Variants in GLIS3 observed in about 807,000 individuals in gnomAD.
GLIS3 encodes the protein zinc finger protein GLIS3.
A neutral mutation model predicts 78.6 loss-of-function variants in GLIS3; 53 were observed. The observed-to-expected ratio is 0.67, with a 90% confidence interval of 0.54 to 0.85. The LOEUF (loss-of-function observed/expected upper bound fraction) is 0.85, where lower values mean the gene tolerates loss of function less well. Ranked by LOEUF, GLIS3 falls within the 40% of genes least tolerant of loss-of-function variation. GLIS3 has a pLI of 0.00. For missense variants in GLIS3, 1,703 were observed against 1,231.1 expected, an observed-to-expected ratio of 1.38 and a Z score of -5.74; for synonymous variants, 684 against 509.9, an observed-to-expected ratio of 1.34 and a Z score of -4.60.
At chr9:4,397,029 T>TC in the GLIS3 span, among the ~76,000 whole-genome samples, 182 of 143,256 alleles carry the variant, frequency 1.3e-3, 1 homozygote, top group African/African-American at 3.3e-3. Context: ...TTTTTCTTTT[T>TC]TTTTTTTTTT....
chr9:4,363,374 G>C, the GLIS3 span, among the ~76,000 whole-genome samples: 48 of 152,308 alleles, frequency 3.2e-4, no homozygotes, highest in South Asian at 6.2e-4. Flanking sequence ...AGTGAGCTGA[G>C]ATGGCACCAC....
chr9:4,240,093 C>T (rs768671454), intron 2 of GLIS3, among the ~76,000 whole-genome samples: 1 of 150,816 alleles, frequency 6.6e-6, no homozygotes, highest in Non-Finnish European at 1.5e-5. Context: ...CATATTTTAT[C>T]CTTCTTACAA....
the GLIS3 span, among the ~76,000 whole-genome samples, chr9:4,395,505 TGAA>T: frequency 2.8e-4 from 42 of 152,164 alleles, no homozygotes; most frequent in African/African-American, 9.7e-4. Flanking sequence ...ATGCTCTAGC[TGAA>T]GAAGAAGAAT....
rs867973503 is a variant in GLIS3 at position 4,133,872 on chromosome 9, A to C, written c.389-7931T>G. ...CACACACACACACACACACACACAC[A>C]CACCGTACATCTGTCCTCGCCTGAA... is the stretch of plus-strand genomic sequence containing the variant. On this transcript the variant is annotated intron_variant, in intron 2 of 10. Coordinates refer to ENST00000381971, the MANE Select transcript of GLIS3 (RefSeq NM_001042413.2). Among the ~76,000 whole-genome samples the C allele has an allele frequency of 2.3e-3, 241 of 104,674 alleles. 1 individual carries two copies. The highest frequency in any genetic ancestry group is 0.01 in the South Asian group (33 of 3,180). The allele number at this position is 104,674 out of a possible 152,430, so 68.7% of individuals were successfully genotyped here. A position where few individuals can be genotyped will look rare whatever the true frequency, so the allele number is the denominator to read the frequency against.
intron 9 of GLIS3, chr9:3,855,773 C>G: frequency 1.9e-6 from 1 of 515,898 alleles, no homozygotes; most frequent in Non-Finnish European, 3.5e-6. Flanking sequence ...AATGAAAAAA[C>G]CAGCAACTTG....
At chr9:4,472,587 T>C in the GLIS3 span, among the ~76,000 whole-genome samples, 5 of 126,970 alleles carry the variant, frequency 3.9e-5, no homozygotes, top group Admixed American at 3.6e-4. Context: ...GTGGGGAACA[T>C]CATACACGGG....
chr9:4,399,677 C>G, the GLIS3 span, among the ~76,000 whole-genome samples: 1 of 152,130 alleles, frequency 6.6e-6, no homozygotes, highest in Non-Finnish European at 1.5e-5. Context: ...AAGACTTTGT[C>G]CCTTTCCTCA....
At chr9:3,981,981 C>T (rs187875153) in intron 4 of GLIS3, among the ~76,000 whole-genome samples, 1 of 152,050 alleles carries the variant, frequency 6.6e-6, no homozygotes, top group Non-Finnish European at 1.5e-5. Flanking sequence ...CAGTTTTAAT[C>T]TTATTCCACC....
intron 8 of GLIS3, 119 bp from the exon 9 acceptor site, chr9:3,856,303 CT>C (rs1480066429): frequency 3.1e-5 from 28 of 905,288 alleles, no homozygotes; most frequent in Non-Finnish European, 4.4e-5. Context: ...GACAACAAGC[CT>C]TTTAAAAAAA....
At chr9:3,907,334 G>A (rs1203590454) in intron 6 of GLIS3, among the ~76,000 whole-genome samples, 1 of 152,144 alleles carries the variant, frequency 6.6e-6, no homozygotes, top group African/African-American at 2.4e-5. Flanking sequence ...TTCTAAGAAG[G>A]AGCCACAATT....
intron 2 of GLIS3, among the ~76,000 whole-genome samples, chr9:4,256,782 A>T (rs1242236202): frequency 7.4e-6 from 1 of 135,404 alleles, no homozygotes; most frequent in Non-Finnish European, 1.6e-5. Flanking sequence ...TTCACAAAAG[A>T]GTACGGAAGC....
intron 4 of GLIS3, among the ~76,000 whole-genome samples, chr9:4,013,996 C>T (rs1822244592): frequency 6.6e-6 from 1 of 152,156 alleles, no homozygotes; most frequent in African/African-American, 2.4e-5. Flanking sequence ...AATGGTACCA[C>T]GTGGCTCACC....
the GLIS3 span, among the ~76,000 whole-genome samples, chr9:4,480,247 C>G: frequency 6.9e-6 from 1 of 145,074 alleles, no homozygotes; most frequent in Non-Finnish European, 1.5e-5. Context: ...CTGTGTTGCC[C>G]AGGCTGGACT....
intron 4 of GLIS3, among the ~76,000 whole-genome samples, chr9:4,088,082 G>C (rs572351088): frequency 3.9e-5 from 6 of 152,336 alleles, no homozygotes; most frequent in Non-Finnish European, 8.8e-5. Flanking sequence ...AGCCATGGCA[G>C]ATCTGGGTTT....
At chr9:4,419,636 C>T in the GLIS3 span, among the ~76,000 whole-genome samples, 8 of 142,446 alleles carry the variant, frequency 5.6e-5, no homozygotes, top group South Asian at 2.1e-4. Flanking sequence ...AAAAATTAGC[C>T]GGGCGTGGTG....
At chr9:4,066,093 A>G (rs1588585752) in intron 4 of GLIS3, among the ~76,000 whole-genome samples, 1 of 151,574 alleles carries the variant, frequency 6.6e-6, no homozygotes, top group East Asian at 1.9e-4. Context: ...GAATTTTAAG[A>G]AAAAAAAATC....
At chr9:4,198,591 C>A (rs7021484) in intron 2 of GLIS3, among the ~76,000 whole-genome samples, 3,346 of 152,228 alleles carry the variant, frequency 0.022, 132 homozygotes, top group African/African-American at 0.077. Flanking sequence ...AAATTACTGG[C>A]ATTCCTGAGA....
intron 4 of GLIS3, among the ~76,000 whole-genome samples, chr9:3,939,704 T>G (rs924959735): frequency 1.3e-5 from 2 of 152,150 alleles, no homozygotes; most frequent in African/African-American, 4.8e-5. Context: ...AGCATTACAG[T>G]ATTCTCGGGG....
In GLIS3 at chr9:3,965,188, C is replaced by CTTTTTTTTTTTTTTTTTTTTTTTTTTTT. The variant is rs750454441; in HGVS notation, c.1711-28000_1711-27999insAAAAAAAAAAAAAAAAAAAAAAAAAAAA. ...TACTTCTTTTCTATTTCTTTCTTTTCTTTTCTTTTTTTTTTTTTTTTTTTG... is the reference window on the plus strand; with the variant it reads ...TACTTCTTTTCTATTTCTTTCTTTTCTTTTTTTTTTTTTTTTTTTTTTTTTTTTTTTTCTTTTTTTTTTTTTTTTTTTG... On this transcript the variant is annotated intron_variant, in intron 4 of 10. Coordinates refer to ENST00000381971, the MANE Select transcript of GLIS3 (RefSeq NM_001042413.2). 2.5e-4 allele frequency among the ~76,000 whole-genome samples: 25 copies of CTTTTTTTTTTTTTTTTTTTTTTTTTTTT among 99,018 alleles called. 4 individuals carry two copies. The highest frequency in any genetic ancestry group is 9.1e-4 in the East Asian group (3 of 3,290). The allele number at this position is 99,018 out of a possible 152,430, so 65.0% of individuals were successfully genotyped here.
Sources: allele counts gnomAD v4.1 joint callset (sites outside exome capture counted in the v4.1 genomes callset), GRCh38; gene constraint gnomAD v4.1.1; transcripts MANE v1.5; gene names NCBI Gene and HGNC (gene_info 2026-07-23, HGNC 2026-07-21).